The following PHF2 variants were observed in gnomAD, a reference collection of about 807,000 sequenced individuals.
PHF2 encodes PHD finger protein 2.
In PHF2, 27 loss-of-function variants were observed where a neutral mutation model predicts 120.5. The observed-to-expected ratio is 0.22, with a 90% CI of 0.17 to 0.31. The LOEUF (loss-of-function observed/expected upper bound fraction) is 0.31. Among genes scored for constraint, PHF2 ranks in the 10% least tolerant of loss-of-function variants. The probability of loss-of-function intolerance (pLI) is 1.00; values close to 1 mark genes in which losing one functional copy is unlikely to be tolerated. For missense variants in PHF2, 1,024 were observed against 1,434.8 expected, an observed-to-expected ratio of 0.71 and a Z score of 4.63; for synonymous variants, 568 against 592.5, an observed-to-expected ratio of 0.96 and a Z score of 0.60.
At chr9:93,596,790 A>C in intron 1 of PHF2, among the ~76,000 whole-genome samples, 1 of 148,940 alleles carries the variant, frequency 6.7e-6, no homozygotes, top group Non-Finnish European at 1.5e-5. Flanking sequence ...AGACAGTCTC[A>C]CTCTGTTGCC....
intron 12 of PHF2, among the ~76,000 whole-genome samples, chr9:93,662,347 A>C (rs1826585862): frequency 6.6e-6 from 1 of 151,684 alleles, no homozygotes. Context: ...GAACAAATGG[A>C]TGGATGGATG....
intron 1 of PHF2, among the ~76,000 whole-genome samples, chr9:93,577,178 C>T (rs1233589452): frequency 6.7e-6 from 1 of 150,284 alleles, no homozygotes; most frequent in African/African-American, 2.4e-5. Context: ...GCTCCAGGCC[C>T]GGGCCGGGCC....
intron 17 of PHF2, among the ~76,000 whole-genome samples, chr9:93,671,733 T>C (rs1826797637): frequency 1.4e-5 from 2 of 138,690 alleles, no homozygotes; most frequent in East Asian, 2.3e-4. Context: ...GGTGTGGGTG[T>C]GGATGTAGGT....
At chr9:93,655,012 A>C (rs1005253858) in intron 7 of PHF2, among the ~76,000 whole-genome samples, 1 of 152,210 alleles carries the variant, frequency 6.6e-6, no homozygotes, top group Non-Finnish European at 1.5e-5. Context: ...TAATTAAGAC[A>C]ATAGTAGGGG....
At chr9:93,643,011 A>C (rs926425712) in intron 3 of PHF2, among the ~76,000 whole-genome samples, 4 of 150,946 alleles carry the variant, frequency 2.6e-5, no homozygotes, top group African/African-American at 4.9e-5. Context: ...GAATGTGTTG[A>C]GTATATTTAT....
rs557320493 is a variant in PHF2, at chr9:93,613,807, G to A, written c.99-16163G>A. 2.9e-3 allele frequency among the ~76,000 whole-genome samples: 447 copies of A among 152,174 alleles called. 7 individuals carry two copies. The highest frequency in any genetic ancestry group is 0.01 in the African/African-American group (430 of 41,496). On this transcript the variant is annotated intron_variant, in intron 1 of 21. Transcript: ENST00000359246. ...ACTGGTTTCAAACTCCTAGGCTCAA[G>A]TATCAAGGATACCACCTCAGCATCC...
At chr9:93,668,836 C>T (rs886662563) in intron 17 of PHF2, among the ~76,000 whole-genome samples, 1 of 152,238 alleles carries the variant, frequency 6.6e-6, no homozygotes, top group Non-Finnish European at 1.5e-5. Flanking sequence ...CGCCGGCCCC[C>T]CTCAGCCCGC....
chr9:93,603,200 C>T (rs1825477449), intron 1 of PHF2, among the ~76,000 whole-genome samples: 1 of 152,112 alleles, frequency 6.6e-6, no homozygotes, highest in African/African-American at 2.4e-5. Flanking sequence ...ACAGGAGGAA[C>T]AAAGGCCAAC....
At chr9:93,671,917 A>T (rs1196097120) in intron 17 of PHF2, among the ~76,000 whole-genome samples, 8 of 59,418 alleles carry the variant, frequency 1.3e-4, no homozygotes, top group Non-Finnish European at 1.7e-4. Context: ...TGGGTGTGGG[A>T]GTAGGGTCAG....
At chr9:93,620,222 C>T (rs1052865055) in intron 1 of PHF2, among the ~76,000 whole-genome samples, 4 of 152,170 alleles carry the variant, frequency 2.6e-5, no homozygotes, top group Non-Finnish European at 5.9e-5. Flanking sequence ...GGGAGAGGCC[C>T]ACCTTCTGTC....
rs75984325 is a variant in PHF2, at chr9:93,581,245, C to G, written c.98+4374C>G. Among the ~76,000 whole-genome samples the G allele has an allele frequency of 6.5e-3, 986 of 152,256 alleles. 18 individuals carry two copies. Among genetic ancestry groups the G allele is most frequent in the East Asian group, 0.053 (276 of 5,178 alleles). On this transcript the variant is annotated intron_variant, in intron 1 of 21. Transcript: ENST00000359246. ...AAGCTTCTTGAGGCAGAGCCATGTT[C>G]AGGGGCTACCTGGGAACACCAGGCG... is the stretch of plus-strand genomic sequence containing the variant.
intron 1 of PHF2, among the ~76,000 whole-genome samples, chr9:93,611,596 G>A (rs1356967072): frequency 3.3e-5 from 5 of 152,086 alleles, no homozygotes; most frequent in Admixed American, 1.3e-4. Flanking sequence ...CTGTAGCTTC[G>A]AACTCCTGGG....
intron 14 of PHF2, 49 bp downstream of exon 14, chr9:93,663,684 C>T (rs957602794): frequency 9.9e-7 from 1 of 1,012,316 alleles, no homozygotes. Flanking sequence ...TAACCGACAT[C>T]ACACACACCA....
intron 1 of PHF2, among the ~76,000 whole-genome samples, chr9:93,627,879 G>C (rs578121506): frequency 6.6e-6 from 1 of 152,330 alleles, no homozygotes; most frequent in African/African-American, 2.4e-5. Flanking sequence ...GCCAGCTCAG[G>C]AGAAAGAGCC....
intron 1 of PHF2, among the ~76,000 whole-genome samples, chr9:93,606,614 A>G (rs534160249): frequency 1.3e-5 from 2 of 152,354 alleles, no homozygotes; most frequent in South Asian, 4.1e-4. Flanking sequence ...TTAACAGAAC[A>G]TATTTTGAAA....
intron 1 of PHF2, among the ~76,000 whole-genome samples, chr9:93,612,185 C>T (rs1220531955): frequency 1.3e-5 from 2 of 152,186 alleles, no homozygotes; most frequent in African/African-American, 2.4e-5. Context: ...CTCAGTCTCC[C>T]AAGAATGGAC....
rs375899642 is a variant in PHF2 at position 93,610,376 on chromosome 9, C to T, written c.99-19594C>T. Reference sequence around the variant, plus strand: ...CTCTGATTCTTTCCTTGGCTGGGTCCGGTCTATTGATGAGCCCTTCAGAGG... The same window carrying T: ...CTCTGATTCTTTCCTTGGCTGGGTCTGGTCTATTGATGAGCCCTTCAGAGG... On this transcript the variant is annotated intron_variant, in intron 1 of 21. Coordinates refer to ENST00000359246, the MANE Select transcript of PHF2 (RefSeq NM_005392.4). Among the ~76,000 whole-genome samples, 52 of 152,212 alleles carry T rather than the reference C, an allele frequency of 3.4e-4. No homozygotes were observed. The East Asian group carries it at 4.2e-3, about 12-fold the overall frequency.
intron 1 of PHF2, among the ~76,000 whole-genome samples, chr9:93,596,752 TTTTTTTTG>T (rs966718003): frequency 4.6e-5 from 7 of 151,794 alleles, no homozygotes; most frequent in East Asian, 1.9e-4. Flanking sequence ...CTGCCGTTTT[TTTTTTTTG>T]TTTTTTGTTT....
chr9:93,650,739 C>T (rs1011189175), intron 5 of PHF2, among the ~76,000 whole-genome samples: 8 of 152,206 alleles, frequency 5.3e-5, no homozygotes, highest in African/African-American at 1.9e-4. Context: ...CTCACCCCCG[C>T]TCCATCACAT....
Sources: allele counts gnomAD v4.1 joint callset (sites outside exome capture counted in the v4.1 genomes callset), GRCh38; gene constraint gnomAD v4.1.1; transcripts MANE v1.5; gene names NCBI Gene and HGNC (gene_info 2026-07-23, HGNC 2026-07-21).